The following CALN1 variants were observed in gnomAD, a reference collection of about 807,000 sequenced individuals.
CALN1 encodes calcium-binding protein 8.
CALN1 carries 17 observed loss-of-function variants against 30.6 expected under a neutral mutation model. That is an observed-to-expected ratio of 0.56 (90% CI 0.38 to 0.83). The LOEUF (loss-of-function observed/expected upper bound fraction) is 0.83, where lower values mean the gene tolerates loss of function less well. Ranked by LOEUF, CALN1 falls within the 40% of genes least tolerant of loss-of-function variation. The pLI is 0.00. For synonymous variants in CALN1, 156 were observed against 131.4 expected, an observed-to-expected ratio of 1.19 and a Z score of -1.28; for missense variants, 291 against 354.9, an observed-to-expected ratio of 0.82 and a Z score of 1.45.
chr7:71,904,819 C>A (rs1051187730), intron 5 of CALN1, among the ~76,000 whole-genome samples: 2 of 152,078 alleles, frequency 1.3e-5, no homozygotes, highest in South Asian at 4.1e-4. Flanking sequence ...TACAATGTTA[C>A]CTGTCACTTT....
chr7:72,036,562 C>A (rs1801810591), intron 4 of CALN1, among the ~76,000 whole-genome samples: 1 of 152,034 alleles, frequency 6.6e-6, no homozygotes, highest in Admixed American at 6.6e-5. Flanking sequence ...TGGTAATTTC[C>A]TTTGTCCTAT....
At chr7:71,825,287 A>G (rs1788845529) in intron 5 of CALN1, among the ~76,000 whole-genome samples, 1 of 152,088 alleles carries the variant, frequency 6.6e-6, no homozygotes, top group African/African-American at 2.4e-5. Context: ...TGTAGGAGGG[A>G]CCCAGTAGGA....
At chr7:72,012,496 G>A (rs773546807) in intron 5 of CALN1, among the ~76,000 whole-genome samples, 11 of 152,334 alleles carry the variant, frequency 7.2e-5, no homozygotes, top group Non-Finnish European at 1.6e-4. Context: ...TGGCAACAGA[G>A]TGAGACTCCG....
At chr7:72,260,180 C>CA (rs369942090) in intron 3 of CALN1, among the ~76,000 whole-genome samples, 1 of 152,124 alleles carries the variant, frequency 6.6e-6, no homozygotes, top group African/African-American at 2.4e-5. Context: ...GCCTGGGAGA[C>CA]AGAGCAAGAC....
chr7:72,244,135 A>G, intron 3 of CALN1, among the ~76,000 whole-genome samples: 1 of 152,224 alleles, frequency 6.6e-6, no homozygotes, highest in East Asian at 1.9e-4. Context: ...CCCTGCAAGG[A>G]ACTCCAGAAA....
chr7:71,853,863 A>G (rs995775501), intron 5 of CALN1, among the ~76,000 whole-genome samples: 2 of 152,190 alleles, frequency 1.3e-5, no homozygotes, highest in Admixed American at 6.5e-5. Flanking sequence ...TACAGGAGTG[A>G]GCAACTGCGC....
intron 6 of CALN1, among the ~76,000 whole-genome samples, chr7:71,798,123 CAGAGAGAG>C (rs3973907): frequency 0.093 from 6,586 of 70,456 alleles, 213 homozygotes; most frequent in Middle Eastern, 0.12. Context: ...GAGACAGAGA[CAGAGAGAG>C]AGAGAGAGAG....
At chr7:72,258,015 G>A (rs1010211343) in intron 3 of CALN1, among the ~76,000 whole-genome samples, 1 of 152,122 alleles carries the variant, frequency 6.6e-6, no homozygotes, top group Non-Finnish European at 1.5e-5. Flanking sequence ...TGAGTATGGT[G>A]CACTCTGCTT....
intron 3 of CALN1, among the ~76,000 whole-genome samples, chr7:72,189,669 G>T (rs1016509400): frequency 4.6e-5 from 7 of 151,652 alleles, no homozygotes; most frequent in Admixed American, 3.9e-4. Context: ...TCCGGAGGCT[G>T]AGGCAGGAGA....
At chr7:72,390,099 G>A (rs778282831) in intron 2 of CALN1, among the ~76,000 whole-genome samples, 1 of 151,976 alleles carries the variant, frequency 6.6e-6, no homozygotes, top group African/African-American at 2.4e-5. Context: ...CCTTTGCCCT[G>A]GGAAGACCTG....
At chr7:72,237,986 C>T (rs75526250) in intron 3 of CALN1, among the ~76,000 whole-genome samples, 1,709 of 152,290 alleles carry the variant, frequency 0.011, 10 homozygotes, top group Non-Finnish European at 0.017. Context: ...AATCTAGCAT[C>T]TTGAAGGACT....
chr7:72,147,147 A>G (rs1786815638), intron 3 of CALN1, among the ~76,000 whole-genome samples: 1 of 152,236 alleles, frequency 6.6e-6, no homozygotes, highest in African/African-American at 2.4e-5. Context: ...GAGCTTCTGC[A>G]CAGCAAAAGA....
chr7:72,342,616 G>A (rs1254548128), intron 2 of CALN1, among the ~76,000 whole-genome samples: 1 of 152,142 alleles, frequency 6.6e-6, no homozygotes, highest in Non-Finnish European at 1.5e-5. Flanking sequence ...AGGAAACAGT[G>A]AGGAGTCAAT....
At chr7:72,458,295 TTC>T in the CALN1 span, among the ~76,000 whole-genome samples, 1 of 47,104 alleles carries the variant, frequency 2.1e-5, no homozygotes, top group Non-Finnish European at 3.4e-5. Context: ...TTATAATATA[TTC>T]TATATTATAT....
intron 2 of CALN1, among the ~76,000 whole-genome samples, chr7:72,401,402 G>A (rs1365355115): frequency 6.6e-6 from 1 of 152,030 alleles, no homozygotes; most frequent in Admixed American, 6.6e-5. Flanking sequence ...CTCTCTCTCA[G>A]CCCACTGCAC....
At chr7:72,266,726 C>G (rs1426127550) in intron 3 of CALN1, among the ~76,000 whole-genome samples, 1 of 152,160 alleles carries the variant, frequency 6.6e-6, no homozygotes, top group Non-Finnish European at 1.5e-5. Context: ...TTCTTGGCCA[C>G]AGCTATCAAA....
chr7:72,040,762 T>A (rs1178812189), intron 4 of CALN1, among the ~76,000 whole-genome samples: 1 of 152,150 alleles, frequency 6.6e-6, no homozygotes. Context: ...ACCAGCATCT[T>A]GAGGTTGGGC....
At chr7:72,391,744 A>G (rs1204006560) in intron 2 of CALN1, among the ~76,000 whole-genome samples, 1 of 152,126 alleles carries the variant, frequency 6.6e-6, no homozygotes, top group Non-Finnish European at 1.5e-5. Context: ...TTTGCCTGCC[A>G]CCATGTAAGA....
At chr7:72,014,861 CTT>C (rs1800288354) in intron 5 of CALN1, among the ~76,000 whole-genome samples, 13 of 152,110 alleles carry the variant, frequency 8.5e-5, no homozygotes, top group Non-Finnish European at 1.0e-4. Context: ...CAGGATCTTG[CTT>C]TGTTACCCAG....
Sources: allele counts gnomAD v4.1 joint callset (sites outside exome capture counted in the v4.1 genomes callset), GRCh38; gene constraint gnomAD v4.1.1; transcripts MANE v1.5; gene names NCBI Gene and HGNC (gene_info 2026-07-23, HGNC 2026-07-21).